The following KIT variants were observed in gnomAD, a reference collection of about 807,000 sequenced individuals.
The protein encoded by KIT is mast/stem cell growth factor receptor Kit.
A neutral mutation model predicts 105.7 loss-of-function variants in KIT; 16 were observed. That is an observed-to-expected ratio of 0.15 (90% CI 0.10 to 0.23). The LOEUF is 0.23. Ranked by LOEUF, KIT falls within the 10% of genes least tolerant of loss-of-function variation. The pLI is 1.00. For synonymous variants in KIT, 438 were observed against 441.1 expected, an observed-to-expected ratio of 0.99 and a Z score of 0.09; for missense variants, 858 against 1,213.8, an observed-to-expected ratio of 0.71 and a Z score of 4.36.
At chr4:54,717,351 G>C (rs1433877496) in intron 7 of KIT, among the ~76,000 whole-genome samples, 1 of 152,144 alleles carries the variant, frequency 6.6e-6, no homozygotes. Context: ...AAGTTGGTCT[G>C]GTGGATGTGT....
intron 1 of KIT, among the ~76,000 whole-genome samples, chr4:54,683,656 C>T (rs1719104126): frequency 6.6e-6 from 1 of 152,232 alleles, no homozygotes; most frequent in Admixed American, 6.5e-5. Context: ...TGTCCTGTCT[C>T]TAAAACACAC....
chr4:54,722,865 GTATA>G (rs1397092055), intron 7 of KIT, among the ~76,000 whole-genome samples: 1 of 100,464 alleles, frequency 1.0e-5, no homozygotes, highest in Non-Finnish European at 1.9e-5. Flanking sequence ...TTATATATAT[GTATA>G]TATATTTATA....
chr4:54,733,974 C>A (rs973186138), intron 17 of KIT, among the ~76,000 whole-genome samples: 2 of 152,040 alleles, frequency 1.3e-5, no homozygotes, highest in African/African-American at 4.8e-5. Flanking sequence ...GATTTTTGTG[C>A]CCCTTATGAT....
chr4:54,664,093 T>C (rs1050054499), intron 1 of KIT, among the ~76,000 whole-genome samples: 4 of 152,100 alleles, frequency 2.6e-5, no homozygotes, highest in Non-Finnish European at 5.9e-5. Context: ...GTAATAGAGA[T>C]CAGGAATCAG....
intron 6 of KIT, 111 bp from the exon 7 acceptor site, chr4:54,709,313 G>A (rs942213351): frequency 4.3e-5 from 32 of 739,898 alleles, no homozygotes; most frequent in Non-Finnish European, 6.7e-5. Context: ...TGAATTAAAT[G>A]AGTTATATTT....
chr4:54,719,459 A>G (rs1721716681), intron 7 of KIT, among the ~76,000 whole-genome samples: 1 of 152,240 alleles, frequency 6.6e-6, no homozygotes, highest in Non-Finnish European at 1.5e-5. Flanking sequence ...TGCATGAGCA[A>G]TAAATTCTCA....
At chr4:54,702,203 G>A (rs1020806485) in intron 4 of KIT, among the ~76,000 whole-genome samples, 2 of 152,020 alleles carry the variant, frequency 1.3e-5, no homozygotes, top group Non-Finnish European at 2.9e-5. Context: ...GTCATAGATA[G>A]CAATGCTGTG....
At chr4:54,737,396 G>T (rs1279901631) in intron 20 of KIT, 116 bp downstream of exon 20, 1 of 766,208 alleles carries the variant, frequency 1.3e-6, no homozygotes, top group Non-Finnish European at 2.3e-6. Flanking sequence ...CTAATCTTAG[G>T]TTGCAAATTG....
At chr4:54,671,385 C>T (rs1718099923) in intron 1 of KIT, among the ~76,000 whole-genome samples, 1 of 152,150 alleles carries the variant, frequency 6.6e-6, no homozygotes, top group Non-Finnish European at 1.5e-5. Context: ...GGCAGGAAGG[C>T]ATCCCTAGTG....
intron 20 of KIT, 131 bp from the exon 21 acceptor site, chr4:54,738,298 A>G (rs780203025): frequency 2.6e-6 from 3 of 1,140,656 alleles, no homozygotes; most frequent in African/African-American, 1.5e-5. Context: ...TTTGGCCACA[A>G]AGTTCTTGGA....
Position 54,727,885 on chromosome 4 carries a change from A to C in KIT, c.1837A>C (p.Lys613Gln). ...VVEATAYGLI[K>Q]SDAAMTVAVK... is the part of the protein sequence containing the mutation. Reference sequence around the variant, plus strand: ...TGAGGCAACTGCTTATGGCTTAATTAAGTCAGATGCGGCCATGACTGTCGC... The same window carrying C: ...TGAGGCAACTGCTTATGGCTTAATTCAGTCAGATGCGGCCATGACTGTCGC... The change falls in exon 12 of 21, where the codon AAG becomes CAG. Residue 613 changes from lysine to glutamine, a missense_variant. Around this residue, in one of 7 missense-constraint regions of KIT, gnomAD observed 158 missense variants for 218.7 expected, o/e 0.72. Transcript: ENST00000288135. The C allele has an allele frequency of 6.2e-7, 1 of 1,614,034 alleles. No individual in the cohort carries two copies. The highest frequency in any genetic ancestry group is 8.5e-7 in the Non-Finnish European group (1 of 1,179,996).
At chr4:54,685,577 A>G (rs189090788) in intron 1 of KIT, among the ~76,000 whole-genome samples, 1 of 151,932 alleles carries the variant, frequency 6.6e-6, no homozygotes, top group Admixed American at 6.6e-5. Context: ...TTCCCCTTGC[A>G]CTGTCCTTCA....
At chr4:54,697,204 C>T (rs1033308366) in intron 2 of KIT, among the ~76,000 whole-genome samples, 1 of 152,172 alleles carries the variant, frequency 6.6e-6, no homozygotes, top group African/African-American at 2.4e-5. Context: ...ATAGTTCAAC[C>T]ATCATGAGGT....
At chr4:54,678,042 A>G (rs1275818225) in intron 1 of KIT, among the ~76,000 whole-genome samples, 1 of 152,200 alleles carries the variant, frequency 6.6e-6, no homozygotes, top group African/African-American at 2.4e-5. Context: ...GAGGCTCAAC[A>G]TATTCTCTTA....
In KIT at chr4:54,725,843, T is replaced by G; in HGVS notation, c.1347-14T>G. 27 of 1,613,242 alleles carry G rather than the reference T, an allele frequency of 1.7e-5. No individual in the cohort carries two copies. The highest frequency in any genetic ancestry group is 2.1e-5 in the Non-Finnish European group (25 of 1,179,386). On this transcript the variant is annotated splice_polypyrimidine_tract_variant and intron_variant, in intron 8 of 20. Coordinates refer to ENST00000288135, the MANE Select transcript of KIT (RefSeq NM_000222.3). ...TCCTAGAGTAAGCCAGGGCTTTTGT[T>G]TTCTTCCCTTTAGATGCTCTGCTTC...
chr4:54,701,953 C>G (rs562608105), intron 4 of KIT, among the ~76,000 whole-genome samples: 1 of 152,270 alleles, frequency 6.6e-6, no homozygotes, highest in East Asian at 1.9e-4. Context: ...CATAGTGTTA[C>G]AAACTAGAAA....
At chr4:54,707,446 G>T (rs998735299) in intron 6 of KIT, among the ~76,000 whole-genome samples, 159 bp downstream of exon 6, 9 of 152,126 alleles carry the variant, frequency 5.9e-5, no homozygotes, top group African/African-American at 2.2e-4. Flanking sequence ...ATTCCATTTT[G>T]TTGTGTGTTT....
intron 1 of KIT, among the ~76,000 whole-genome samples, chr4:54,684,376 A>G (rs982779927): frequency 8.5e-5 from 13 of 152,132 alleles, no homozygotes; most frequent in African/African-American, 3.1e-4. Flanking sequence ...TAGGTCCAAA[A>G]AAAGGGGGGC....
chr4:54,694,166 G>GT (rs1719897461), intron 1 of KIT, among the ~76,000 whole-genome samples: 2 of 152,110 alleles, frequency 1.3e-5, no homozygotes, highest in Non-Finnish European at 2.9e-5. Flanking sequence ...AAGGTACCCT[G>GT]TTTTTTAGCC....
Sources: allele counts gnomAD v4.1 joint callset (sites outside exome capture counted in the v4.1 genomes callset), GRCh38; gene constraint gnomAD v4.1.1; regional missense constraint gnomAD v4.1.1; transcripts MANE v1.5; gene names NCBI Gene and HGNC (gene_info 2026-07-23, HGNC 2026-07-21).